OPCML: variants seen among roughly 807,000 people sequenced by gnomAD.
OPCML encodes opioid binding protein/cell adhesion molecule like.
In OPCML, 13 loss-of-function variants were observed where a neutral mutation model predicts 37.8. The ratio of observed to expected loss-of-function variants is 0.34; its 90% CI spans 0.22 to 0.55. The LOEUF (loss-of-function observed/expected upper bound fraction) is 0.55. Ranked by LOEUF, OPCML falls within the 20% of genes least tolerant of loss-of-function variation. The pLI, the probability that OPCML is intolerant of heterozygous loss-of-function variation, is 0.91. For missense variants in OPCML, 341 were observed against 435.6 expected, an observed-to-expected ratio of 0.78 and a Z score of 1.93; for synonymous variants, 176 against 168.8, an observed-to-expected ratio of 1.04 and a Z score of -0.33.
At chr11:132,891,335 C>G (rs1943640967) in intron 2 of OPCML, among the ~76,000 whole-genome samples, 1 of 152,154 alleles carries the variant, frequency 6.6e-6, no homozygotes, top group Non-Finnish European at 1.5e-5. Flanking sequence ...TTTGAGACAT[C>G]ATAGCAAAAG....
chr11:132,955,389 A>C (rs2136706929), intron 1 of OPCML, among the ~76,000 whole-genome samples: 1 of 152,288 alleles, frequency 6.6e-6, no homozygotes, highest in East Asian at 1.9e-4. Flanking sequence ...AGACCAACCA[A>C]CCAATATTTA....
chr11:133,376,765 T>C (rs1231236570), intron 1 of OPCML, among the ~76,000 whole-genome samples: 1 of 152,210 alleles, frequency 6.6e-6, no homozygotes, highest in East Asian at 1.9e-4. Context: ...GTAAGTCTAG[T>C]GGCCCAAATA....
chr11:133,262,816 A>G (rs1175321098), intron 1 of OPCML, among the ~76,000 whole-genome samples: 1 of 151,608 alleles, frequency 6.6e-6, no homozygotes, highest in Non-Finnish European at 1.5e-5. Context: ...AAGAGCGTGC[A>G]GGCTTGCAGG....
chr11:132,860,372 T>G (rs1269600304), intron 2 of OPCML: 1 of 152,226 alleles, frequency 6.6e-6, no homozygotes, highest in Non-Finnish European at 1.5e-5. Context: ...CCGCTTGCCT[T>G]ATTCAGTAAC....
intron 1 of OPCML, among the ~76,000 whole-genome samples, chr11:133,501,111 C>T (rs1489714375): frequency 6.6e-6 from 1 of 152,144 alleles, no homozygotes; most frequent in African/African-American, 2.4e-5. Context: ...CTGCTCCCAC[C>T]ACCCACACTG....
intron 1 of OPCML, among the ~76,000 whole-genome samples, chr11:132,965,850 T>C (rs946772325): frequency 1.3e-5 from 2 of 152,152 alleles, no homozygotes; most frequent in Non-Finnish European, 2.9e-5. Flanking sequence ...CTGTTGATAG[T>C]GTTTTATTAT....
At chr11:133,440,432 A>G (rs1192080093) in intron 1 of OPCML, among the ~76,000 whole-genome samples, 1 of 148,664 alleles carries the variant, frequency 6.7e-6, no homozygotes, top group Non-Finnish European at 1.5e-5. Context: ...AGAAATGATT[A>G]TTATCAACAT....
intron 1 of OPCML, among the ~76,000 whole-genome samples, chr11:133,307,859 TTTA>T (rs200726611): frequency 6.6e-6 from 1 of 151,338 alleles, no homozygotes; most frequent in Non-Finnish European, 1.5e-5. Context: ...GTTTTTTTTT[TTTA>T]AATTTTACCT....
chr11:133,190,479 T>C (rs1467923859), intron 1 of OPCML, among the ~76,000 whole-genome samples: 1 of 152,214 alleles, frequency 6.6e-6, no homozygotes, highest in African/African-American at 2.4e-5. Flanking sequence ...TATTGAGATA[T>C]AGTTCATATA....
intron 2 of OPCML, among the ~76,000 whole-genome samples, chr11:132,779,069 G>A (rs1021347194): frequency 1.4e-5 from 2 of 145,706 alleles, no homozygotes; most frequent in East Asian, 4.1e-4. Context: ...GGGGGTTCAA[G>A]TGATTCTTGT....
Position 132,436,094 on chromosome 11 carries a change from G to A in OPCML, c.908C>T (p.Thr303Ile). Reference sequence around the variant, plus strand: ...AGGCTTCCAGCACTCACCATACAATGTGATGCTGGCATTGGTGTTCCCAAG... The same window carrying A: ...AGGCTTCCAGCACTCACCATACAATATGATGCTGGCATTGGTGTTCCCAAG... ...NKLGNTNASITLYGPGAVIDG... is the reference protein window; with the variant it reads ...NKLGNTNASIILYGPGAVIDG... Residue 303 changes from threonine to isoleucine, a missense_variant, in exon 7 of 8, where the codon ACA becomes ATA. Physicochemically the swap from Thr to Ile is moderately conservative, Grantham distance 89 (BLOSUM62 -1). Coordinates refer to ENST00000524381, the MANE Select transcript of OPCML (RefSeq NM_001012393.5). The A allele has an allele frequency of 1.9e-6, 3 of 1,613,966 alleles. No individual in the cohort carries two copies. The highest frequency in any genetic ancestry group is 2.5e-6 in the Non-Finnish European group (3 of 1,179,918).
intron 2 of OPCML, among the ~76,000 whole-genome samples, chr11:132,708,683 C>T (rs1944137173): frequency 6.6e-6 from 1 of 152,086 alleles, no homozygotes; most frequent in African/African-American, 2.4e-5. Context: ...GATCTTTGCT[C>T]CTTGAGAAAC....
chr11:133,223,733 G>A (rs529099916), intron 1 of OPCML, among the ~76,000 whole-genome samples: 142 of 152,138 alleles, frequency 9.3e-4, no homozygotes, highest in Non-Finnish European at 1.4e-3. Flanking sequence ...GTTTTGTTTC[G>A]TTTTGTTTTA....
At position 132,560,685 on chromosome 11, in the gene OPCML, C is replaced by T. The variant is rs78451044; in HGVS notation, c.380-31499G>A. On this transcript the variant is annotated intron_variant, in intron 3 of 7. Transcript: ENST00000524381. ...TTTACATTTCCCTGATCGTTAGTGA[C>T]GTGGAGCATTTTTCCATATGCTTGG... is the stretch of plus-strand genomic sequence containing the variant. Among the ~76,000 whole-genome samples, 1,857 of 152,242 alleles carry T rather than the reference C, an allele frequency of 0.012. 105 individuals carry two copies. In the East Asian group the frequency reaches 0.13, roughly 10 times the overall value.
At chr11:133,424,514 AT>A (rs143664741) in intron 1 of OPCML, among the ~76,000 whole-genome samples, 2,990 of 152,194 alleles carry the variant, frequency 0.02, 38 homozygotes, top group South Asian at 0.064. Flanking sequence ...CTTGGAGAGA[AT>A]TTTTCCACAT....
intron 2 of OPCML, among the ~76,000 whole-genome samples, chr11:132,848,216 C>G (rs373712607): frequency 4.6e-5 from 7 of 152,196 alleles, no homozygotes; most frequent in Non-Finnish European, 2.9e-5. Flanking sequence ...CCCATGAGAG[C>G]TTGTACTTAT....
intron 1 of OPCML, among the ~76,000 whole-genome samples, chr11:133,033,158 G>T (rs1947705296): frequency 6.6e-6 from 1 of 151,986 alleles, no homozygotes; most frequent in Admixed American, 6.6e-5. Flanking sequence ...CTCCAGTCTG[G>T]GTTCCATTGC....
chr11:132,569,943 C>A (rs2096433388), intron 3 of OPCML, among the ~76,000 whole-genome samples: 2 of 148,842 alleles, frequency 1.3e-5, no homozygotes, highest in African/African-American at 2.5e-5. Context: ...CTAAATGATG[C>A]ATTCAGTGAA....
chr11:132,707,462 T>C (rs1944081284), intron 2 of OPCML, among the ~76,000 whole-genome samples: 1 of 152,228 alleles, frequency 6.6e-6, no homozygotes, highest in Admixed American at 6.5e-5. Context: ...TCCAGGATCC[T>C]ATGGAACATA....
Sources: gnomAD v4.1 joint callset for allele counts (sites outside exome capture counted in the v4.1 genomes callset) on GRCh38, gnomAD v4.1.1 for gene constraint, MANE v1.5 for transcripts, NCBI Gene and HGNC (gene_info 2026-07-23, HGNC 2026-07-21) for gene names.